Variants in LRRC27 observed in about 807,000 individuals in gnomAD.
LRRC27 encodes leucine-rich repeat-containing protein 27.
A neutral mutation model predicts 55.0 loss-of-function variants in LRRC27; 57 were observed. The ratio of observed to expected loss-of-function variants is 1.04; its 90% CI spans 0.84 to 1.29. The LOEUF is 1.29. Ranked by LOEUF, LRRC27 falls within the 50% of genes most tolerant of loss-of-function variation. The pLI is 0.00. For synonymous variants in LRRC27, 278 were observed against 251.9 expected (o/e 1.10, Z -0.98); for missense variants, 721 against 651.5 (o/e 1.11, Z -1.16).
At chr10:132,364,461 C>CTCCA (rs1564853473) in intron 9 of LRRC27, among the ~76,000 whole-genome samples, 3 of 67,236 alleles carry the variant, frequency 4.5e-5, no homozygotes, top group Admixed American at 1.9e-4. Flanking sequence ...ACACTCACAC[C>CTCCA]CACCCACACT....
intron 10 of LRRC27, among the ~76,000 whole-genome samples, chr10:132,367,488 G>A (rs372642310): frequency 2.6e-5 from 4 of 152,114 alleles, no homozygotes; most frequent in East Asian, 1.9e-4. Context: ...GAATGTAGAC[G>A]CAAAAATTCT....
intron 5 of LRRC27, among the ~76,000 whole-genome samples, chr10:132,346,350 T>C (rs1253317931): frequency 6.6e-6 from 1 of 152,284 alleles, no homozygotes; most frequent in Non-Finnish European, 1.5e-5. Flanking sequence ...CTACTATGTA[T>C]ATTTTTAGTA....
chr10:132,357,183 TCA>T (rs1395398160), intron 8 of LRRC27, among the ~76,000 whole-genome samples: 1 of 152,242 alleles, frequency 6.6e-6, no homozygotes, highest in Non-Finnish European at 1.5e-5. Context: ...AGTTAGGAAT[TCA>T]CAGTGTCCAA....
chr10:132,353,302 C>T lies in LRRC27; in HGVS notation c.1073+1549C>T, dbSNP rs1005647232. ...CTCCTTCCCTGGTCTGTCCTGTGGG[C>T]GGCTGCAGCCCGGCCCTGACTGGCA... On this transcript the variant is annotated intron_variant, in intron 7 of 10. Transcript: ENST00000368614. 8.6e-6 allele frequency: 10 copies of T among 1,163,320 alleles called. No individual in the cohort carries two copies. The East Asian group carries it at 2.1e-4, about 25-fold the overall frequency. 72.1% of individuals were successfully genotyped at this position (1,163,320 alleles called of 1,614,324 possible).
At chr10:132,352,800 C>T in intron 7 of LRRC27, 2 of 1,515,884 alleles carry the variant, frequency 1.3e-6, no homozygotes, top group Non-Finnish European at 9.0e-7. Context: ...CGGTCGCCCC[C>T]TTGTGTCCGT....
intron 9 of LRRC27, among the ~76,000 whole-genome samples, chr10:132,364,549 A>ACGCCCACACTCACACC (rs2068899200): frequency 2.9e-5 from 1 of 34,360 alleles, no homozygotes. Context: ...ATCTACCTCC[A>ACGCCCACACTCACACC]CACCCACACT....
At chr10:132,355,009 G>A (rs1473323118) in intron 7 of LRRC27, among the ~76,000 whole-genome samples, 5 of 152,226 alleles carry the variant, frequency 3.3e-5, no homozygotes, top group East Asian at 3.9e-4. Flanking sequence ...CCTGGGCGGC[G>A]AGCTGTGAGG....
intron 1 of LRRC27, 193 bp downstream of exon 1, chr10:132,332,449 C>G (rs992830667): frequency 2.6e-5 from 4 of 152,394 alleles, no homozygotes; most frequent in East Asian, 1.9e-4. Flanking sequence ...ATGGGGAAAT[C>G]GAGGCAGGGA....
chr10:132,366,761 G>A, intron 10 of LRRC27: 1 of 1,057,880 alleles, frequency 9.5e-7, no homozygotes, highest in Non-Finnish European at 1.2e-6. Flanking sequence ...CTGTCACGGG[G>A]GAGGAAGCAA....
Position 132,374,556 on chromosome 10 carries a change from C to T in LRRC27, c.1417-510C>T, listed in dbSNP as rs1223495202. Among the ~76,000 whole-genome samples the T allele has an allele frequency of 6.6e-6, 1 of 152,238 alleles. No homozygotes were observed. The highest frequency in any genetic ancestry group is 1.5e-5 in the Non-Finnish European group (1 of 68,032). On this transcript the variant is annotated intron_variant, in intron 10 of 10. Transcript: ENST00000368614. This position sits in a 1 kb window ranked among gnomAD's most constrained non-coding sequence, Gnocchi z 4.4. ...TGGTTTCACGCTCAGCAAGTTCCTT[C>T]TCCTGTAGGAACCCCTGATCCACAG...
In LRRC27 at chr10:132,333,669, A is replaced by AT. The variant is rs752497528; in HGVS notation, c.149dup (p.Leu50PhefsTer5). 5 of 1,613,718 alleles carry AT rather than the reference A, an allele frequency of 3.1e-6. No homozygotes were observed. Among genetic ancestry groups the AT allele is most frequent in the South Asian group, 1.1e-5 (1 of 91,058 alleles). On this transcript the variant is annotated frameshift_variant, in exon 2 of 11. Coordinates refer to ENST00000368614, the MANE Select transcript of LRRC27 (RefSeq NM_030626.3). LOFTEE classifies it high-confidence loss of function. Reference sequence around the variant, plus strand: ...AGGCATCATCTTTTCCTCCTCACCGATTTTAGACTTGAGTGAAAGTGGTCT... The same window carrying AT: ...AGGCATCATCTTTTCCTCCTCACCGATTTTTAGACTTGAGTGAAAGTGGTCT...
intron 9 of LRRC27, among the ~76,000 whole-genome samples, chr10:132,364,431 T>G (rs2068851866): frequency 7.9e-6 from 1 of 127,190 alleles, no homozygotes; most frequent in African/African-American, 3.0e-5. Context: ...ACACCCACGC[T>G]TACATCTACC....
intron 9 of LRRC27, among the ~76,000 whole-genome samples, chr10:132,364,471 TTACACCCACCCACACTTACACC>T (rs2068867313): frequency 2.4e-5 from 1 of 41,806 alleles, no homozygotes; most frequent in Non-Finnish European, 4.3e-5. Context: ...CCACCCACAC[TTACACCCACCCACACTTACACC>T]CACCCTTACA....
At chr10:132,341,024 G>T (rs1358744116) in intron 3 of LRRC27, among the ~76,000 whole-genome samples, 1 of 152,214 alleles carries the variant, frequency 6.6e-6, no homozygotes, top group Non-Finnish European at 1.5e-5. Context: ...GGCTGGGCAT[G>T]GTGGCTTATG....
chr10:132,331,059 G>A (rs1178222237), upstream of LRRC27, among the ~76,000 whole-genome samples: 2 of 151,384 alleles, frequency 1.3e-5, no homozygotes, highest in Non-Finnish European at 2.9e-5. Context: ...AAATTAGCTG[G>A]ACGTGGTGGC....
At chr10:132,353,463 C>T in intron 7 of LRRC27, 1 of 962,092 alleles carries the variant, frequency 1.0e-6, no homozygotes. Flanking sequence ...CACACAGATT[C>T]TGTGATTGTC....
At chr10:132,352,003 GCTCCGTGTGGGGCAGGCGCTGAGGC>G (rs1483456741) in intron 7 of LRRC27, among the ~76,000 whole-genome samples, 9,003 of 134,622 alleles carry the variant, frequency 0.067, 618 homozygotes, top group African/African-American at 0.13. Flanking sequence ...CAGGTGCAGC[GCTCCGTGTGGGGCAGGCGCTGAGGC>G]CTCCGTGTGG....
chr10:132,351,806 T>G, intron 7 of LRRC27, 53 bp downstream of exon 7: 1 of 1,553,544 alleles, frequency 6.4e-7, no homozygotes, highest in Non-Finnish European at 8.7e-7. Flanking sequence ...CACCCGGAAC[T>G]GGGACTGGGC....
intron 7 of LRRC27, chr10:132,353,442 G>A (rs561497474): frequency 4.1e-5 from 41 of 1,003,326 alleles, no homozygotes; most frequent in East Asian, 9.4e-5. Flanking sequence ...TGTGATAGGG[G>A]CTGTGTCCAG....
Sources: gnomAD v4.1 joint callset for allele counts (sites outside exome capture counted in the v4.1 genomes callset) on GRCh38, gnomAD v4.1.1 for gene constraint, Gnocchi (gnomAD v3.1) non-coding constraint, MANE v1.5 for transcripts, NCBI Gene and HGNC (gene_info 2026-07-23, HGNC 2026-07-21) for gene names.